Variants in MSANTD7 observed in about 807,000 individuals in gnomAD.
The protein encoded by MSANTD7 is zinc finger and SCAN domain containing 29.
At chr10:14,839,584 A>C in the MSANTD7 span, among the ~76,000 whole-genome samples, 1 of 152,100 alleles carries the variant, frequency 6.6e-6, no homozygotes, top group Non-Finnish European at 1.5e-5. Context: ...AAAAAAAAAA[A>C]AAAGAAATGG....
chr10:14,839,571 CAAAA>C, the MSANTD7 span, among the ~76,000 whole-genome samples: 1 of 79,722 alleles, frequency 1.3e-5, no homozygotes. Flanking sequence ...ACTCCGTGTC[CAAAA>C]AAAAAAAAAA....
the MSANTD7 span, among the ~76,000 whole-genome samples, chr10:14,839,049 G>A: frequency 6.6e-6 from 1 of 152,214 alleles, no homozygotes; most frequent in African/African-American, 2.4e-5. Flanking sequence ...GTCGAGCTGG[G>A]GCTGATGGTC....
the MSANTD7 span, chr10:14,844,214 A>G: frequency 3.5e-5 from 40 of 1,127,820 alleles, no homozygotes; most frequent in African/African-American, 4.9e-5. Flanking sequence ...ATGGGGATCA[A>G]TAATAACTCC....
the MSANTD7 span, chr10:14,843,253 G>T: frequency 7.8e-7 from 1 of 1,280,284 alleles, no homozygotes. Context: ...AGTCCCTGGT[G>T]GAAAGAGGCT....
the MSANTD7 span, chr10:14,845,236 C>T: frequency 5.6e-5 from 55 of 984,916 alleles, no homozygotes; most frequent in Non-Finnish European, 6.4e-5. Flanking sequence ...TAGTGATTTA[C>T]TTAGTACTTT....
chr10:14,840,313 T>G, the MSANTD7 span, among the ~76,000 whole-genome samples: 1 of 152,202 alleles, frequency 6.6e-6, no homozygotes, highest in Non-Finnish European at 1.5e-5. Context: ...GGCAGTGTCT[T>G]TTGATTCTTA....
chr10:14,839,512 C>T, the MSANTD7 span, among the ~76,000 whole-genome samples: 1 of 151,342 alleles, frequency 6.6e-6, no homozygotes, highest in South Asian at 2.1e-4. Flanking sequence ...TTGCAGTGAG[C>T]CGAGATCTGG....
the MSANTD7 span, chr10:14,844,038 C>G: frequency 6.9e-7 from 1 of 1,441,188 alleles, no homozygotes; most frequent in Non-Finnish European, 9.0e-7. Context: ...AAAATAATTG[C>G]TAGTTCATTT....
chr10:14,842,853 C>A, the MSANTD7 span: 1 of 1,516,348 alleles, frequency 6.6e-7, no homozygotes, highest in South Asian at 1.2e-5. The surrounding 1 kb of genome is among the most constrained non-coding windows in gnomAD (Gnocchi z 5.2). Context: ...GCAGGTAACT[C>A]CCAAGCATGT....
At chr10:14,842,926 T>G in the MSANTD7 span, 1 of 1,025,652 alleles carries the variant, frequency 9.7e-7, no homozygotes, top group African/African-American at 1.6e-5. The surrounding 1 kb of genome is among the most constrained non-coding windows in gnomAD (Gnocchi z 5.2). Context: ...TTGGATAGTG[T>G]CCTCTTCAGC....
the MSANTD7 span, chr10:14,842,612 A>T: frequency 1.3e-6 from 2 of 1,536,178 alleles, no homozygotes; most frequent in Non-Finnish European, 1.7e-6. This position sits in a 1 kb window ranked among gnomAD's most constrained non-coding sequence, Gnocchi z 5.2. Flanking sequence ...TGACCCAGAC[A>T]ACTTAATGGA....
At chr10:14,845,466 G>C in the MSANTD7 span, 1 of 985,372 alleles carries the variant, frequency 1.0e-6, no homozygotes, top group Non-Finnish European at 1.2e-6. Context: ...GAGCTGCTCT[G>C]CCAAGCCAGG....
chr10:14,838,825 G>A, the MSANTD7 span, among the ~76,000 whole-genome samples: 1 of 152,186 alleles, frequency 6.6e-6, no homozygotes, highest in South Asian at 2.1e-4. Flanking sequence ...GCGGGGCTGC[G>A]AGCATTTTGG....
the MSANTD7 span, chr10:14,840,127 T>C: frequency 6.8e-7 from 1 of 1,473,500 alleles, no homozygotes; most frequent in South Asian, 1.6e-5. Flanking sequence ...TCAAATACAG[T>C]AATGAAAGTA....
At chr10:14,842,605 C>A in the MSANTD7 span, 2 of 1,536,128 alleles carry the variant, frequency 1.3e-6, no homozygotes, top group Non-Finnish European at 1.7e-6. The surrounding 1 kb of genome is among the most constrained non-coding windows in gnomAD (Gnocchi z 5.2). Context: ...TAGTGACTGA[C>A]CCAGACAACT....
the MSANTD7 span, among the ~76,000 whole-genome samples, chr10:14,841,633 G>A: frequency 6.6e-6 from 1 of 152,126 alleles, no homozygotes; most frequent in Admixed American, 6.5e-5. Context: ...CTGTTTGAGG[G>A]CACATGGTTA....
At chr10:14,844,460 T>C in the MSANTD7 span, 1 of 991,160 alleles carries the variant, frequency 1.0e-6, no homozygotes, top group African/African-American at 1.7e-5. Flanking sequence ...AATCTTAATT[T>C]TTAAAATCCC....
chr10:14,845,136 C>T, the MSANTD7 span: 1 of 985,308 alleles, frequency 1.0e-6, no homozygotes. Flanking sequence ...CAGACACACA[C>T]TGGGGAGAGA....
At chr10:14,838,339 G>C in the MSANTD7 span, 1 of 1,500,126 alleles carries the variant, frequency 6.7e-7, no homozygotes, top group Non-Finnish European at 9.0e-7. Flanking sequence ...GGGCCGTTGG[G>C]CGGCCGGTAG....
Sources: allele counts gnomAD v4.1 joint callset (sites outside exome capture counted in the v4.1 genomes callset), GRCh38; gene constraint gnomAD v4.1.1; non-coding constraint Gnocchi (gnomAD v3.1); transcripts MANE v1.5; gene names NCBI Gene and HGNC (gene_info 2026-07-23, HGNC 2026-07-21).